FBXO16: variants seen among roughly 807,000 people sequenced by gnomAD.
FBXO16 encodes F-box protein 16.
In FBXO16, 31 loss-of-function variants were observed where a neutral mutation model predicts 41.0. That is an observed-to-expected ratio of 0.76 (90% CI 0.57 to 1.02). FBXO16 has a LOEUF of 1.02. FBXO16 is among the 50% of genes least tolerant of loss of function. The probability of loss-of-function intolerance (pLI) is 0.00; values close to 1 mark genes in which losing one functional copy is unlikely to be tolerated. For synonymous variants in FBXO16, 133 were observed against 117.8 expected (o/e 1.13, Z -0.84); for missense variants, 361 against 346.2 (o/e 1.04, Z -0.34).
intron 3 of FBXO16, 25 bp downstream of exon 3, chr8:28,473,746 CA>C: frequency 6.3e-7 from 1 of 1,580,946 alleles, no homozygotes; most frequent in Non-Finnish European, 8.7e-7. Flanking sequence ...TAACATAATG[CA>C]AAAATAGTAT....
chr8:28,450,508 T>C (rs1802935786), intron 6 of FBXO16, among the ~76,000 whole-genome samples: 1 of 152,206 alleles, frequency 6.6e-6, no homozygotes, highest in Non-Finnish European at 1.5e-5. Context: ...AGAGAGTGAA[T>C]GTCTCGGGTG....
chr8:28,429,324 A>T (rs1802572884), intron 8 of FBXO16, 54 bp downstream of exon 8: 1 of 1,592,612 alleles, frequency 6.3e-7, no homozygotes, highest in East Asian at 2.2e-5. Context: ...ATACATGCAC[A>T]CGATCTCTCT....
At chr8:28,466,982 C>T (rs1245163822) in intron 3 of FBXO16, among the ~76,000 whole-genome samples, 1 of 119,144 alleles carries the variant, frequency 8.4e-6, no homozygotes, top group East Asian at 3.1e-4. Flanking sequence ...CTCGCTGTGT[C>T]GCCAGGTTGG....
At chr8:28,458,541 CTTCTTTTTTTTTTTT>C (rs1803073301) in intron 4 of FBXO16, among the ~76,000 whole-genome samples, 1 of 121,050 alleles carries the variant, frequency 8.3e-6, no homozygotes, top group African/African-American at 3.2e-5. Context: ...TCTTCTTCTT[CTTCTTTTTTTTTTTT>C]TTTTTTTTTT....
At chr8:28,464,034 C>T (rs1426927922) in intron 3 of FBXO16, among the ~76,000 whole-genome samples, 1 of 152,194 alleles carries the variant, frequency 6.6e-6, no homozygotes, top group Non-Finnish European at 1.5e-5. Context: ...CACAGAAGTG[C>T]ATGTGACCTC....
At chr8:28,445,515 C>G (rs1802849880) in intron 7 of FBXO16, among the ~76,000 whole-genome samples, 1 of 152,202 alleles carries the variant, frequency 6.6e-6, no homozygotes, top group African/African-American at 2.4e-5. Context: ...CACTCCTTGC[C>G]TATCAGGGGC....
chr8:28,429,483 A>G, intron 7 of FBXO16, 80 bp from the exon 8 acceptor site: 1 of 1,532,398 alleles, frequency 6.5e-7, no homozygotes, highest in African/African-American at 1.4e-5. Flanking sequence ...AGGGAGAGAG[A>G]GTGAGGCACT....
chr8:28,446,523 T>C (rs373362972), intron 7 of FBXO16, among the ~76,000 whole-genome samples: 20 of 151,718 alleles, frequency 1.3e-4, no homozygotes, highest in Middle Eastern at 3.4e-3. Flanking sequence ...CAATTTCTGA[T>C]AGCACCTCCC....
chr8:28,448,121 C>G (rs1180633182), intron 6 of FBXO16, among the ~76,000 whole-genome samples: 4 of 152,008 alleles, frequency 2.6e-5, no homozygotes, highest in Admixed American at 2.6e-4. Flanking sequence ...GGAAGGATAA[C>G]TTGAGTCCAG....
chr8:28,428,587 G>A lies in FBXO16; in HGVS notation c.*140C>T. 1 of 1,550,930 alleles carries A rather than the reference G, an allele frequency of 6.4e-7. No homozygotes were observed. Among genetic ancestry groups the A allele is most frequent in the African/African-American group, 1.4e-5 (1 of 73,122 alleles). On this transcript the variant is annotated 3_prime_UTR_variant, in exon 9 of 9. Transcript: ENST00000380254. ...CAGTCCACTTTGGCTCTGGAACCTG[G>A]ATGAGTCATGCTTGGGGCCCAGGGT...
At chr8:28,464,744 C>T (rs1173404772) in intron 3 of FBXO16, among the ~76,000 whole-genome samples, 1 of 152,108 alleles carries the variant, frequency 6.6e-6, no homozygotes, top group Non-Finnish European at 1.5e-5. Context: ...ACCTCCACCT[C>T]CTGGGTTCAA....
At chr8:28,464,767 C>T (rs1231222615) in intron 3 of FBXO16, among the ~76,000 whole-genome samples, 1 of 152,108 alleles carries the variant, frequency 6.6e-6, no homozygotes, top group East Asian at 1.9e-4. Context: ...GATTCTCCTG[C>T]CTCAGCCTCC....
chr8:28,437,629 C>T (rs182274597), intron 7 of FBXO16, among the ~76,000 whole-genome samples: 5 of 152,250 alleles, frequency 3.3e-5, no homozygotes, highest in Admixed American at 6.5e-5. Context: ...TCCCAGTGCT[C>T]GGGGAGGCCA....
intron 1 of FBXO16, among the ~76,000 whole-genome samples, chr8:28,489,899 T>G (rs926245503): frequency 1.2e-4 from 19 of 152,164 alleles, no homozygotes; most frequent in African/African-American, 4.6e-4. Flanking sequence ...TATCAGGAAA[T>G]TATCAAGAAA....
chr8:28,472,323 A>G (rs1212853935), intron 3 of FBXO16, among the ~76,000 whole-genome samples: 2 of 151,104 alleles, frequency 1.3e-5, no homozygotes, highest in African/African-American at 4.9e-5. Context: ...CTAGTCTCAA[A>G]CTCCCGGCCT....
chr8:28,464,167 GT>G (rs1257249452), intron 3 of FBXO16, among the ~76,000 whole-genome samples: 1 of 152,140 alleles, frequency 6.6e-6, no homozygotes, highest in Admixed American at 6.5e-5. Context: ...CCCCCAAATA[GT>G]TTCTGCATTA....
chr8:28,469,314 A>T (rs1803294152), intron 3 of FBXO16, among the ~76,000 whole-genome samples: 1 of 147,818 alleles, frequency 6.8e-6, no homozygotes, highest in African/African-American at 2.6e-5. Flanking sequence ...ACCCTGCCTC[A>T]GAAAAAAAAA....
chr8:28,469,744 T>C (rs1174563429), intron 3 of FBXO16, among the ~76,000 whole-genome samples: 1 of 151,140 alleles, frequency 6.6e-6, no homozygotes, highest in Non-Finnish European at 1.5e-5. Flanking sequence ...CTACTAAAAA[T>C]ACAAAAATTA....
chr8:28,488,613 C>T (rs1803640698), intron 1 of FBXO16, among the ~76,000 whole-genome samples: 1 of 152,062 alleles, frequency 6.6e-6, no homozygotes, highest in Non-Finnish European at 1.5e-5. Context: ...TTAAGCCATT[C>T]TTCACACTGT....
Sources: allele counts gnomAD v4.1 joint callset (sites outside exome capture counted in the v4.1 genomes callset), GRCh38; gene constraint gnomAD v4.1.1; transcripts MANE v1.5; gene names NCBI Gene and HGNC (gene_info 2026-07-23, HGNC 2026-07-21).